The following ARSH variants were observed in gnomAD, a reference collection of about 807,000 sequenced individuals.
ARSH encodes arylsulfatase family member H.
Under a neutral mutation model 28.7 loss-of-function variants are expected in ARSH, and 32 were observed. The observed-to-expected ratio is 1.11, with a 90% CI of 0.84 to 1.50. The LOEUF (loss-of-function observed/expected upper bound fraction) is 1.50, where lower values mean the gene tolerates loss of function less well. ARSH is among the 40% of genes most tolerant of loss of function. ARSH has a pLI of 0.00. For missense variants in ARSH, 440 were observed against 452.4 expected, an observed-to-expected ratio of 0.97 and a Z score of 0.25; for synonymous variants, 176 against 177.3, an observed-to-expected ratio of 0.99 and a Z score of 0.06.
Position 3,015,187 on chromosome X carries a change from C to T in ARSH, c.558C>T (p.Phe186=), listed in dbSNP as rs200445611. The T allele has an allele frequency of 3.1e-4, 377 of 1,207,531 alleles. No homozygotes were observed. In the East Asian group the frequency reaches 3.4e-3, roughly 11 times the overall value. ...LVPFLLLIPK[F]ARWFSVPWKV... ...CTTTTCTGCTTCTCATTCCCAAGTT[C>T]GCCCGCTGGTTCTCAGTGCCATGGA... is the stretch of plus-strand genomic sequence containing the variant. Residue 186 remains phenylalanine, a synonymous_variant, in exon 4 of 9, where the codon TTC becomes TTT. Coordinates refer to ENST00000381130, the MANE Select transcript of ARSH (RefSeq NM_001011719.2).
chrX:3,022,673 T>C lies in ARSH; in HGVS notation c.902-1348T>C, dbSNP rs775974741. Among the ~76,000 whole-genome samples the C allele has an allele frequency of 1.6e-3, 174 of 112,114 alleles. 5 individuals carry two copies. In the Admixed American group the frequency reaches 0.016, roughly 11 times the overall value. ...TTCTACTTATTATTTTAAAAAACTG[T>C]CCTCCTGAGGGATTGTCAACACATT... On this transcript the variant is annotated intron_variant, in intron 5 of 8. Transcript: ENST00000381130.
chrX:3,019,192 G>A (rs1348488508), intron 5 of ARSH, among the ~76,000 whole-genome samples: 1 of 105,216 alleles, frequency 9.5e-6, no homozygotes, highest in South Asian at 4.4e-4. Flanking sequence ...TTGGATCCAG[G>A]ATGCAGAGGT....
At chrX:3,027,096 T>G (rs2089900787) in intron 6 of ARSH, among the ~76,000 whole-genome samples, 1 of 111,002 alleles carries the variant, frequency 9.0e-6, no homozygotes, top group African/African-American at 3.3e-5. Flanking sequence ...TAGCTTGGAT[T>G]ACAGGCGCCC....
At chrX:3,024,470 C>T (rs954948333) in intron 6 of ARSH, among the ~76,000 whole-genome samples, 8 of 110,484 alleles carry the variant, frequency 7.2e-5, no homozygotes, top group African/African-American at 1.6e-4. Context: ...CATCCTGTGC[C>T]GTTGTAGGTG....
intron 5 of ARSH, 122 bp from the exon 6 acceptor site, chrX:3,023,899 T>C: frequency 2.9e-6 from 2 of 700,138 alleles, no homozygotes; most frequent in Admixed American, 3.4e-5. Context: ...TTATACAATA[T>C]CGTGTAGTGC....
At chrX:3,009,893 T>G (rs1000263790) in intron 1 of ARSH, 137 bp from the exon 2 acceptor site, 1 of 726,211 alleles carries the variant, frequency 1.4e-6, no homozygotes, top group African/African-American at 2.2e-5. Flanking sequence ...AATAGACAGA[T>G]TAAAGTTTTA....
chrX:3,013,121 A>G lies in ARSH; in HGVS notation c.289A>G (p.Thr97Ala), dbSNP rs1243869351. The change falls in exon 3 of 9, where the codon ACG becomes GCG. Residue 97 changes from threonine (T) to alanine (A), a missense_variant. Coordinates refer to ENST00000381130, the MANE Select transcript of ARSH (RefSeq NM_001011719.2). ...GTCAGGTGGTCTTCCCACCAATGAA[A>G]CGACTTTTGCCAAGCTGCTGCAGCA... ...GGSGGLPTNETTFAKLLQHRG... is the reference protein window; with the variant it reads ...GGSGGLPTNEATFAKLLQHRG... 1 of 1,209,009 alleles carries G rather than the reference A, an allele frequency of 8.3e-7. No homozygotes were observed. Among genetic ancestry groups the G allele is most frequent in the Non-Finnish European group, 1.1e-6 (1 of 894,858 alleles).
Position 3,027,253 on chromosome X carries a change from C to A in ARSH, c.1037-60C>A, listed in dbSNP as rs960024705. The A allele has an allele frequency of 2.4e-5, 28 of 1,166,360 alleles. No individual in the cohort carries two copies. In the African/African-American group the frequency reaches 4.6e-4, roughly 19 times the overall value. ...GGGATTACAGGCGTGAGCCACCGTG[C>A]CCGGCCAATATGGTTGGGTTTTAAC... On this transcript the variant is annotated intron_variant, in intron 6 of 8. Transcript: ENST00000381130.
intron 5 of ARSH, among the ~76,000 whole-genome samples, chrX:3,019,171 AG>A (rs1266233321): frequency 9.3e-6 from 1 of 107,914 alleles, no homozygotes; most frequent in Non-Finnish European, 1.9e-5. Flanking sequence ...AGGGTGAGGC[AG>A]GAGAATCACT....
intron 6 of ARSH, among the ~76,000 whole-genome samples, chrX:3,024,869 A>C (rs1016187451): frequency 9.0e-6 from 1 of 110,810 alleles, no homozygotes; most frequent in Non-Finnish European, 1.9e-5. Context: ...AATAATTTAA[A>C]AAAGAATTCT....
intron 2 of ARSH, among the ~76,000 whole-genome samples, chrX:3,012,603 T>TA (rs375206780): frequency 0.15 from 3,965 of 26,527 alleles, 609 homozygotes; most frequent in East Asian, 0.48. Context: ...ATATATAATA[T>TA]ATATATGTAT....
intron 5 of ARSH, among the ~76,000 whole-genome samples, chrX:3,021,725 A>C (rs867111620): frequency 2.4e-5 from 1 of 42,311 alleles, no homozygotes; most frequent in Non-Finnish European, 4.2e-5. Flanking sequence ...TTTTTTTTTT[A>C]AGACACAGGG....
At chrX:3,023,426 T>C (rs1338685006) in intron 5 of ARSH, among the ~76,000 whole-genome samples, 2 of 106,065 alleles carry the variant, frequency 1.9e-5, no homozygotes, top group East Asian at 3.0e-4. Flanking sequence ...TGCATTGATA[T>C]ACAAAATACT....
chrX:3,013,178 G>A lies in ARSH; in HGVS notation c.340+6G>A, dbSNP rs755007744. The stretch of plus-strand genomic sequence containing the variant: ...CTACCGCACGGGACTCATAGGTATG[G>A]CGCCGGAACTCTGCCCGTGGAAACG... On this transcript the variant is annotated splice_donor_region_variant and intron_variant, in intron 3 of 8. Coordinates refer to ENST00000381130, the MANE Select transcript of ARSH (RefSeq NM_001011719.2). 1 of 1,198,472 alleles carries A rather than the reference G, an allele frequency of 8.3e-7. No homozygotes were observed. Among genetic ancestry groups the A allele is most frequent in the African/African-American group, 1.8e-5 (1 of 56,722 alleles).
At chrX:3,020,507 T>G (rs773898634) in intron 5 of ARSH, among the ~76,000 whole-genome samples, 1 of 95,781 alleles carries the variant, frequency 1.0e-5, no homozygotes, top group Non-Finnish European at 2.0e-5. Flanking sequence ...GAGAATGGCG[T>G]GAACCTGGGA....
intron 7 of ARSH, among the ~76,000 whole-genome samples, chrX:3,027,946 T>C (rs779610873): frequency 8.7e-4 from 95 of 109,777 alleles, no homozygotes; most frequent in African/African-American, 2.9e-3. Context: ...CTACTAAAAA[T>C]ACAAAAATCA....
At chrX:3,030,788 G>A (rs1043690037) in intron 8 of ARSH, among the ~76,000 whole-genome samples, 6 of 111,049 alleles carry the variant, frequency 5.4e-5, no homozygotes, top group African/African-American at 9.8e-5. Flanking sequence ...AAACCATATC[G>A]CTATTTTTAG....
At chrX:3,007,641 C>T (rs371695225) in intron 1 of ARSH, among the ~76,000 whole-genome samples, 1 of 109,392 alleles carries the variant, frequency 9.1e-6, no homozygotes, top group East Asian at 2.9e-4. Context: ...TTCACAGGGT[C>T]GTCCCTCTGT....
intron 5 of ARSH, among the ~76,000 whole-genome samples, chrX:3,023,706 A>G (rs2089890737): frequency 9.3e-6 from 1 of 107,436 alleles, no homozygotes; most frequent in Non-Finnish European, 1.9e-5. Flanking sequence ...ATATCATACA[A>G]TATATAATAA....
Sources: gnomAD v4.1 joint callset for allele counts (sites outside exome capture counted in the v4.1 genomes callset) on GRCh38, gnomAD v4.1.1 for gene constraint, MANE v1.5 for transcripts, NCBI Gene and HGNC (gene_info 2026-07-23, HGNC 2026-07-21) for gene names.